SPATS2: variants seen among roughly 807,000 people sequenced by gnomAD.
SPATS2 encodes the protein spermatogenesis-associated serine-rich protein 2.
In SPATS2, 38 loss-of-function variants were observed where a neutral mutation model predicts 63.7. The ratio of observed to expected loss-of-function variants is 0.60; its 90% CI spans 0.46 to 0.78. The LOEUF (loss-of-function observed/expected upper bound fraction) is 0.78. Among genes scored for constraint, SPATS2 ranks in the 30% least tolerant of loss-of-function variants. The pLI, the probability that SPATS2 is intolerant of heterozygous loss-of-function variation, is 0.00. For missense variants in SPATS2, 588 were observed against 666.2 expected (o/e 0.88, Z 1.29); for synonymous variants, 207 against 232.9 (o/e 0.89, Z 1.01).
At chr12:49,437,708 A>G (rs1423998142) in intron 2 of SPATS2, among the ~76,000 whole-genome samples, 2 of 151,524 alleles carry the variant, frequency 1.3e-5, no homozygotes, top group African/African-American at 2.4e-5. Context: ...GCGCGCCTGC[A>G]ATCGCAGGCA....
intron 2 of SPATS2, among the ~76,000 whole-genome samples, chr12:49,385,912 G>A (rs1366587688): frequency 1.1e-4 from 16 of 148,464 alleles, no homozygotes; most frequent in African/African-American, 1.0e-4. Flanking sequence ...TCTGTCTCCC[G>A]GGCTGGAGTG....
chr12:49,436,632 C>CT (rs1243656731), intron 2 of SPATS2, among the ~76,000 whole-genome samples: 6 of 102,966 alleles, frequency 5.8e-5, no homozygotes, highest in Non-Finnish European at 1.0e-4. Context: ...CCCTCCCGGA[C>CT]GGGGCGGCTG....
intron 2 of SPATS2, among the ~76,000 whole-genome samples, chr12:49,410,856 G>A (rs1944785871): frequency 1.3e-5 from 2 of 151,858 alleles, no homozygotes; most frequent in African/African-American, 4.8e-5. Flanking sequence ...TTCTCTCATG[G>A]GAGGGTTAGG....
intron 2 of SPATS2, among the ~76,000 whole-genome samples, chr12:49,437,018 AC>A (rs1945319081): frequency 6.7e-6 from 1 of 149,358 alleles, no homozygotes; most frequent in African/African-American, 2.5e-5. Flanking sequence ...GCTGACCCCC[AC>A]CTCCCTCCCA....
rs1388891934 is a variant in SPATS2 at position 49,501,611 on chromosome 12, T to TTTTTG, written c.839+1420_839+1424dup. ...ATTAAGGTGTTAACGGATATTTGTT[T>TTTTTG]TTTTGTTTTGTTTTGTTTGTTTTTT... On this transcript the variant is annotated intron_variant, in intron 9 of 13. Transcript: ENST00000552918. Among the ~76,000 whole-genome samples the TTTTTG allele has an allele frequency of 5.3e-5, 8 of 152,258 alleles. No homozygotes were observed. The South Asian group carries it at 1.5e-3, about 28-fold the overall frequency.
At chr12:49,414,100 G>A (rs1402982072) in intron 2 of SPATS2, among the ~76,000 whole-genome samples, 1 of 152,104 alleles carries the variant, frequency 6.6e-6, no homozygotes, top group Non-Finnish European at 1.5e-5. Context: ...AGAAGTTTGG[G>A]TGTCCAGAAG....
At chr12:49,412,215 G>A (rs1944809117) in intron 2 of SPATS2, among the ~76,000 whole-genome samples, 1 of 152,014 alleles carries the variant, frequency 6.6e-6, no homozygotes, top group Non-Finnish European at 1.5e-5. Flanking sequence ...TTATTTTTGA[G>A]ATGGATTCTC....
At chr12:49,450,522 G>A (rs1406192510) in intron 2 of SPATS2, among the ~76,000 whole-genome samples, 3 of 151,986 alleles carry the variant, frequency 2.0e-5, no homozygotes, top group East Asian at 1.9e-4. Context: ...GGGATTACAG[G>A]CGTGAGCCAC....
chr12:49,483,047 C>T (rs1228728780), intron 3 of SPATS2, among the ~76,000 whole-genome samples: 1 of 149,562 alleles, frequency 6.7e-6, no homozygotes, highest in African/African-American at 2.5e-5. Context: ...CCTTGGCCTC[C>T]CAAAATGTTC....
At chr12:49,437,956 A>G (rs967255981) in intron 2 of SPATS2, among the ~76,000 whole-genome samples, 9 of 152,190 alleles carry the variant, frequency 5.9e-5, no homozygotes, top group African/African-American at 2.2e-4. Flanking sequence ...TTACATAAAA[A>G]AATTAAAAAG....
intron 7 of SPATS2, among the ~76,000 whole-genome samples, chr12:49,495,806 T>C (rs1946455432): frequency 6.6e-6 from 1 of 152,210 alleles, no homozygotes; most frequent in South Asian, 2.1e-4. Flanking sequence ...GATGTTGATA[T>C]TATTATTTTA....
rs537310650 is a variant in SPATS2, at chr12:49,434,346, A to G, written c.-243-26424A>G. ...TGTATGTTGATGCCAAATTACTGGTATTAAATACATTCACAGTGTTGTGTA... is the reference window on the plus strand; with the variant it reads ...TGTATGTTGATGCCAAATTACTGGTGTTAAATACATTCACAGTGTTGTGTA... On this transcript the variant is annotated intron_variant, in intron 2 of 13. Transcript: ENST00000552918. Among the ~76,000 whole-genome samples, 3 of 152,220 alleles carry G rather than the reference A, an allele frequency of 2.0e-5. 1 individual carries two copies. Among genetic ancestry groups the G allele is most frequent in the South Asian group, 4.2e-4 (2 of 4,816 alleles).
intron 2 of SPATS2, among the ~76,000 whole-genome samples, chr12:49,446,940 T>A (rs1210077703): frequency 2.6e-5 from 4 of 151,880 alleles, no homozygotes; most frequent in African/African-American, 9.7e-5. Flanking sequence ...TTCTTTTTTT[T>A]TTTTTTGAGA....
rs374253862 is a variant in SPATS2 at position 49,447,820 on chromosome 12, T to C, written c.-243-12950T>C. Among the ~76,000 whole-genome samples the C allele has an allele frequency of 4.7e-4, 72 of 152,232 alleles. No individual in the cohort carries two copies. In the South Asian group the frequency reaches 0.012, roughly 26 times the overall value. On this transcript the variant is annotated intron_variant, in intron 2 of 13. Transcript: ENST00000552918. ...ATTTTTGTAGGGTCTGTAATGATGT[T>C]CTTTGTTTTATTCCTGATTTTGGTA...
At chr12:49,383,220 T>A (rs1370505380) in intron 2 of SPATS2, among the ~76,000 whole-genome samples, 2 of 152,120 alleles carry the variant, frequency 1.3e-5, no homozygotes, top group Middle Eastern at 3.4e-3. Context: ...GGTTTCACCA[T>A]GTTTGCCAGG....
At chr12:49,412,923 A>G (rs773487497) in intron 2 of SPATS2, among the ~76,000 whole-genome samples, 1 of 152,190 alleles carries the variant, frequency 6.6e-6, no homozygotes. Flanking sequence ...CCATGGTCAA[A>G]TTAAACATTT....
At chr12:49,407,487 T>A (rs1035032158) in intron 2 of SPATS2, among the ~76,000 whole-genome samples, 8 of 152,180 alleles carry the variant, frequency 5.3e-5, no homozygotes, top group Admixed American at 2.0e-4. Context: ...AGCGGCATCC[T>A]TGCTGTTTTT....
At chr12:49,420,594 A>G (rs558831181) in intron 2 of SPATS2, among the ~76,000 whole-genome samples, 2 of 152,366 alleles carry the variant, frequency 1.3e-5, no homozygotes, top group Admixed American at 1.3e-4. Context: ...AAAAATAAAA[A>G]TAAAAATAAA....
At chr12:49,384,747 C>T (rs1247745800) in intron 2 of SPATS2, among the ~76,000 whole-genome samples, 1 of 152,074 alleles carries the variant, frequency 6.6e-6, no homozygotes, top group Non-Finnish European at 1.5e-5. Context: ...TTCTTCTCAC[C>T]CTACACCTAT....
Sources: gnomAD v4.1 joint callset for allele counts (sites outside exome capture counted in the v4.1 genomes callset) on GRCh38, gnomAD v4.1.1 for gene constraint, MANE v1.5 for transcripts, NCBI Gene and HGNC (gene_info 2026-07-23, HGNC 2026-07-21) for gene names.